The following AHI1 variants were observed in gnomAD, a reference collection of about 807,000 sequenced individuals.
The protein encoded by AHI1 is Abelson helper integration site 1, also known as jouberin.
AHI1 carries 123 observed loss-of-function variants against 149.3 expected under a neutral mutation model. The observed-to-expected ratio is 0.82, with a 90% confidence interval of 0.71 to 0.96. The LOEUF (loss-of-function observed/expected upper bound fraction) is 0.96, where lower values mean the gene tolerates loss of function less well. Ranked by LOEUF, AHI1 falls within the 40% of genes least tolerant of loss-of-function variation. The pLI, the probability that AHI1 is intolerant of heterozygous loss-of-function variation, is 0.00. For synonymous variants in AHI1, 475 were observed against 459.8 expected, an observed-to-expected ratio of 1.03 and a Z score of -0.42; for missense variants, 1,439 against 1,422.7, an observed-to-expected ratio of 1.01 and a Z score of -0.18.
chr6:135,459,990 G>C (rs1789614460), intron 8 of AHI1, among the ~76,000 whole-genome samples: 1 of 152,074 alleles, frequency 6.6e-6, no homozygotes, highest in African/African-American at 2.4e-5. Flanking sequence ...CCAGGAGTTT[G>C]AGACTAGCCT....
At chr6:135,347,614 T>C (rs1791429506) in intron 24 of AHI1, among the ~76,000 whole-genome samples, 1 of 152,232 alleles carries the variant, frequency 6.6e-6, no homozygotes, top group Admixed American at 6.5e-5. Context: ...GATTATCTGC[T>C]TTGCACAGTG....
At chr6:135,364,861 T>C (rs2143793) in intron 23 of AHI1, among the ~76,000 whole-genome samples, 101,999 of 152,060 alleles carry the variant, frequency 0.67, 35,585 homozygotes, top group African/African-American at 0.88. Context: ...AGCTTCGGCT[T>C]GGCATCAGAG....
chr6:135,452,685 G>C (rs770195921), intron 11 of AHI1, among the ~76,000 whole-genome samples: 1 of 151,906 alleles, frequency 6.6e-6, no homozygotes, highest in African/African-American at 2.4e-5. Flanking sequence ...TTAACATCCC[G>C]TTGACCTTAG....
intron 23 of AHI1, among the ~76,000 whole-genome samples, chr6:135,393,946 C>T (rs184849915): frequency 9.9e-5 from 15 of 152,078 alleles, no homozygotes; most frequent in Non-Finnish European, 1.8e-4. Flanking sequence ...AACATGTAAC[C>T]TATACAGCAA....
rs890613269 is a variant in AHI1, at chr6:135,284,266, A to G, written c.*1379T>C. 1 of 152,186 alleles carries G rather than the reference A, an allele frequency of 6.6e-6. No homozygotes were observed. The highest frequency in any genetic ancestry group is 6.5e-5 in the Admixed American group (1 of 15,282). The allele number at this position is 152,186 out of a possible 1,614,324, so 9.4% of individuals were successfully genotyped here. A position where few individuals can be genotyped will look rare whatever the true frequency, so the allele number is the denominator to read the frequency against. On this transcript the variant is annotated 3_prime_UTR_variant, in exon 29 of 29. Transcript: ENST00000265602. ...TGTTTACCAATTTTTATGCCTCTACATGTGCAGGGATAAGAGCCAAATATA... is the reference window on the plus strand; with the variant it reads ...TGTTTACCAATTTTTATGCCTCTACGTGTGCAGGGATAAGAGCCAAATATA...
rs2127974171 is a variant in AHI1 at position 135,411,443 on chromosome 6, G to A, written c.2866C>T (p.Pro956Ser). 1 of 1,613,768 alleles carries A rather than the reference G, an allele frequency of 6.2e-7. No homozygotes were observed. The highest frequency in any genetic ancestry group is 1.7e-5 in the Admixed American group (1 of 60,018). ...TCAATCTGAAAAGAGCCTTGATGGG[G>A]TAGTTTTGGACAGGTACATAGGGCA... Reference protein sequence around the residue: ...QDALCTCPKLPHQGSFQIDEF... With the variant: ...QDALCTCPKLSHQGSFQIDEF... Residue 956 changes from proline (P) to serine (S), a missense_variant, in exon 21 of 29, where the codon CCC (proline) becomes TCC (serine). Coordinates refer to ENST00000265602, the MANE Select transcript of AHI1 (RefSeq NM_001134831.2).
At chr6:135,419,693 A>C (rs1782876121) in intron 20 of AHI1, among the ~76,000 whole-genome samples, 1 of 152,094 alleles carries the variant, frequency 6.6e-6, no homozygotes, top group African/African-American at 2.4e-5. Context: ...GTCTTGCTTT[A>C]ATGTTAATAA....
In AHI1 at chr6:135,323,270, G is replaced by T; in HGVS notation, c.3220C>A (p.Arg1074Ser). Residue 1074 changes from arginine to serine, a missense_variant, in exon 25 of 29, where the codon CGC (arginine) becomes AGC (serine). Transcript: ENST00000265602. Reference protein sequence around the residue: ...ANRSDELTIHRGDIIRVFFKD... With the variant: ...ANRSDELTIHSGDIIRVFFKD... ...AAAAACACTCGGATAATGTCTCCGC[G>T]ATGGATGGTTAGTTCATCTGATCGA... The T allele has an allele frequency of 6.2e-7, 1 of 1,613,728 alleles. No individual in the cohort carries two copies. Among genetic ancestry groups the T allele is most frequent in the Non-Finnish European group, 8.5e-7 (1 of 1,179,772 alleles).
At chr6:135,303,577 T>C (rs1784162394) in intron 26 of AHI1, among the ~76,000 whole-genome samples, 1 of 150,850 alleles carries the variant, frequency 6.6e-6, no homozygotes, top group Admixed American at 6.6e-5. Context: ...CACTTGAAAG[T>C]AGGTGAGGGT....
intron 10 of AHI1, among the ~76,000 whole-genome samples, chr6:135,454,290 T>G (rs1462806030): frequency 5.3e-5 from 8 of 152,256 alleles, no homozygotes; most frequent in Admixed American, 3.9e-4. Context: ...ATAATGCTAT[T>G]TCACAAATTA....
intron 23 of AHI1, among the ~76,000 whole-genome samples, chr6:135,371,663 A>C (rs980041850): frequency 6.6e-6 from 1 of 151,960 alleles, no homozygotes; most frequent in African/African-American, 2.4e-5. Context: ...CATCCTTTCT[A>C]CTCTAGAGAT....
chr6:135,390,330 C>T (rs560761766), intron 23 of AHI1, among the ~76,000 whole-genome samples: 1 of 152,294 alleles, frequency 6.6e-6, no homozygotes, highest in East Asian at 1.9e-4. Context: ...GATGTAAGTT[C>T]ATTAATCCTC....
chr6:135,427,112 G>A, intron 20 of AHI1, 55 bp downstream of exon 20: 1 of 1,527,486 alleles, frequency 6.5e-7, no homozygotes, highest in Non-Finnish European at 9.0e-7. Flanking sequence ...TCCTGGTTTA[G>A]TCTAAATGTA....
intron 26 of AHI1, chr6:135,302,621 A>AG: frequency 8.7e-7 from 1 of 1,142,998 alleles, no homozygotes; most frequent in Non-Finnish European, 1.1e-6. Flanking sequence ...CTAAGTTAGA[A>AG]GGGGGTCCAC....
chr6:135,367,969 T>G (rs914596308), intron 23 of AHI1, among the ~76,000 whole-genome samples: 1 of 152,170 alleles, frequency 6.6e-6, no homozygotes, highest in African/African-American at 2.4e-5. Context: ...CTCCTTCTCA[T>G]TTGGGTAGAT....
intron 24 of AHI1, among the ~76,000 whole-genome samples, chr6:135,353,682 T>C (rs1225601305): frequency 2.0e-5 from 3 of 152,066 alleles, no homozygotes; most frequent in African/African-American, 7.2e-5. Flanking sequence ...TATTATATAA[T>C]CCAAGAGATT....
Position 135,490,631 on chromosome 6 carries a change from T to C in AHI1, c.127A>G (p.Asn43Asp). Residue 43 changes from asparagine to aspartate, a missense_variant, in exon 5 of 29, where the codon AAC (asparagine) becomes GAC (aspartate). Coordinates refer to ENST00000265602, the MANE Select transcript of AHI1 (RefSeq NM_001134831.2). ...AATGATCATTTACTTACTGAGATGT[T>C]TTCTTCAGACCTGACAAGTTTTTTC... Reference protein sequence around the residue: ...LKKKLVRSEENISPDTIRSNL... With the variant: ...LKKKLVRSEEDISPDTIRSNL... 6.2e-7 allele frequency: 1 copy of C among 1,613,688 alleles called. No individual in the cohort carries two copies. The highest frequency in any genetic ancestry group is 8.5e-7 in the Non-Finnish European group (1 of 1,179,718).
rs141916427 is a variant in AHI1, at chr6:135,292,607, G to GA, written c.3486-2083dup. ...TGAACTGATGAGTGCACACATCTGGGAAAATCACTTGAGGCCCGGAACAGT... is the reference window on the plus strand; with the variant it reads ...TGAACTGATGAGTGCACACATCTGGGAAAAATCACTTGAGGCCCGGAACAGT... On this transcript the variant is annotated intron_variant, in intron 27 of 28. Coordinates refer to ENST00000265602, the MANE Select transcript of AHI1 (RefSeq NM_001134831.2). 1.2e-3 allele frequency among the ~76,000 whole-genome samples: 187 copies of GA among 152,264 alleles called. 1 individual carries two copies. The highest frequency in any genetic ancestry group is 4.3e-3 in the African/African-American group (180 of 41,554).
rs566796870 is a variant in AHI1, at chr6:135,432,125, CAG to C, written c.2267-813_2267-812del. Among the ~76,000 whole-genome samples, 146 of 151,246 alleles carry C rather than the reference CAG, an allele frequency of 9.7e-4. 1 individual carries two copies. Among genetic ancestry groups the C allele is most frequent in the Admixed American group, 7.5e-3 (113 of 15,150 alleles). ...GTTAGTTTTCAGATACCTTTCTATT[CAG>C]AGTCTTTCCTGAATATGTTCCAAAT... On this transcript the variant is annotated intron_variant, in intron 16 of 28. Coordinates refer to ENST00000265602, the MANE Select transcript of AHI1 (RefSeq NM_001134831.2).
Sources: allele counts gnomAD v4.1 joint callset (sites outside exome capture counted in the v4.1 genomes callset), GRCh38; gene constraint gnomAD v4.1.1; transcripts MANE v1.5; gene names NCBI Gene and HGNC (gene_info 2026-07-23, HGNC 2026-07-21).